The following RSPRY1 variants were observed in gnomAD, a reference collection of about 807,000 sequenced individuals.
The protein encoded by RSPRY1 is ring finger and SPRY domain containing 1.
RSPRY1 carries 23 observed loss-of-function variants against 73.1 expected under a neutral mutation model. The ratio of observed to expected loss-of-function variants is 0.31; its 90% CI spans 0.23 to 0.45. The LOEUF is 0.45. Ranked by LOEUF, RSPRY1 falls within the 20% of genes least tolerant of loss-of-function variation. The pLI is 1.00. For missense variants in RSPRY1, 448 were observed against 698.7 expected (o/e 0.64, Z 4.05); for synonymous variants, 226 against 251.4 (o/e 0.90, Z 0.95).
intron 1 of RSPRY1, among the ~76,000 whole-genome samples, chr16:57,200,825 G>A (rs572047123): frequency 6.9e-6 from 1 of 145,888 alleles, no homozygotes; most frequent in East Asian, 2.1e-4. Context: ...CGGGGCGGCT[G>A]GCTGGGCAGA....
chr16:57,203,507 T>C (rs773301214), intron 1 of RSPRY1, among the ~76,000 whole-genome samples: 2 of 152,198 alleles, frequency 1.3e-5, no homozygotes, highest in African/African-American at 2.4e-5. Flanking sequence ...TTTGTTTGTT[T>C]GTTTGTTTTT....
chr16:57,193,014 C>T (rs1265967388), intron 1 of RSPRY1, among the ~76,000 whole-genome samples: 1 of 152,184 alleles, frequency 6.6e-6, no homozygotes, highest in African/African-American at 2.4e-5. Flanking sequence ...CCATGCCCTG[C>T]TCAGATAGTC....
intron 13 of RSPRY1, among the ~76,000 whole-genome samples, chr16:57,234,647 G>A (rs2146388420): frequency 6.6e-6 from 1 of 152,332 alleles, no homozygotes; most frequent in East Asian, 1.9e-4. Context: ...CTGAGTGAAA[G>A]TATAATGGAA....
intron 10 of RSPRY1, chr16:57,224,348 A>G (rs114693498): frequency 6.6e-6 from 1 of 152,248 alleles, no homozygotes; most frequent in Non-Finnish European, 1.5e-5. Flanking sequence ...CTGTCTTCAT[A>G]CATTTCCCTT....
chr16:57,218,750 TTTTG>T (rs1410857455), intron 8 of RSPRY1, among the ~76,000 whole-genome samples: 4 of 111,776 alleles, frequency 3.6e-5, no homozygotes, highest in Non-Finnish European at 7.1e-5. Flanking sequence ...TTTTTTTTTT[TTTTG>T]AGACGGAGTC....
chr16:57,226,591 G>A (rs1293151353), intron 10 of RSPRY1, among the ~76,000 whole-genome samples: 1 of 152,178 alleles, frequency 6.6e-6, no homozygotes, highest in African/African-American at 2.4e-5. Flanking sequence ...CATGGCACCT[G>A]TTAGAGTGTC....
In RSPRY1 at chr16:57,204,717, T is replaced by G; in HGVS notation, c.59T>G (p.Leu20Trp). Residue 20 changes from leucine to tryptophan, a missense_variant, in exon 2 of 15, where the codon TTG becomes TGG. Transcript: ENST00000394420. ...AGCAGAAGCCTTGGCCAGGGTCTGTTGTTGACTCTCGAAGAGCACATAGCC... is the reference window on the plus strand; with the variant it reads ...AGCAGAAGCCTTGGCCAGGGTCTGTGGTTGACTCTCGAAGAGCACATAGCC... ...LASRSLGQGL[L>W]LTLEEHIAHF... The G allele has an allele frequency of 6.2e-7, 1 of 1,614,192 alleles. No homozygotes were observed. The highest frequency in any genetic ancestry group is 8.5e-7 in the Non-Finnish European group (1 of 1,180,028).
chr16:57,232,997 T>C (rs1472753584), intron 13 of RSPRY1, among the ~76,000 whole-genome samples: 1 of 152,200 alleles, frequency 6.6e-6, no homozygotes, highest in Non-Finnish European at 1.5e-5. Flanking sequence ...TAATTATAAA[T>C]TGTGGCATTA....
At chr16:57,227,194 T>G in intron 10 of RSPRY1, 148 bp from the exon 11 acceptor site, 1 of 602,784 alleles carries the variant, frequency 1.7e-6, no homozygotes, top group Non-Finnish European at 3.0e-6. Context: ...AGTCATAATT[T>G]TAGTATTTTC....
intron 4 of RSPRY1, among the ~76,000 whole-genome samples, chr16:57,210,232 C>A (rs2074813785): frequency 6.6e-6 from 1 of 151,784 alleles, no homozygotes; most frequent in African/African-American, 2.4e-5. Flanking sequence ...CATGCACCAC[C>A]ACACCTAGCT....
intron 10 of RSPRY1, among the ~76,000 whole-genome samples, chr16:57,222,174 A>G (rs1341206764): frequency 2.6e-5 from 4 of 152,210 alleles, no homozygotes; most frequent in Non-Finnish European, 4.4e-5. Flanking sequence ...CCCCCCTCCA[A>G]TATGTAAGAT....
chr16:57,209,026 AT>A, intron 3 of RSPRY1, 48 bp from the exon 4 acceptor site: 1 of 1,262,402 alleles, frequency 7.9e-7, no homozygotes, highest in Non-Finnish European at 1.1e-6. Flanking sequence ...ATATTTTCAC[AT>A]TTTAAAAATA....
chr16:57,222,128 GC>G, intron 10 of RSPRY1, among the ~76,000 whole-genome samples: 1 of 151,602 alleles, frequency 6.6e-6, no homozygotes, highest in East Asian at 2.1e-4. Flanking sequence ...GGTGGGAAAA[GC>G]CCCTTGGATT....
chr16:57,201,004 G>A (rs1294334559), intron 1 of RSPRY1, among the ~76,000 whole-genome samples: 12 of 148,222 alleles, frequency 8.1e-5, no homozygotes, highest in Admixed American at 1.3e-4. Context: ...CTGGCCGGGC[G>A]GGGGGCTGAC....
Position 57,218,352 on chromosome 16 carries a change from A to G in RSPRY1, c.901+1317A>G, listed in dbSNP as rs150289112. ...GTGTTTTAAAATTTCTTTGTTTTGC[A>G]CTTTTCTTTTAGTTATTTTTAAATA... On this transcript the variant is annotated intron_variant, in intron 8 of 14. Transcript: ENST00000394420. Among the ~76,000 whole-genome samples, 732 of 152,180 alleles carry G rather than the reference A, an allele frequency of 4.8e-3. 21 individuals carry two copies. The highest frequency in any genetic ancestry group is 0.041 in the Admixed American group (631 of 15,266).
chr16:57,191,566 G>A (rs994885445), intron 1 of RSPRY1, among the ~76,000 whole-genome samples: 2 of 152,052 alleles, frequency 1.3e-5, no homozygotes, highest in Non-Finnish European at 2.9e-5. Flanking sequence ...CATCTGAATT[G>A]TCTCAAAATA....
chr16:57,203,229 G>A (rs1236638623), intron 1 of RSPRY1, among the ~76,000 whole-genome samples: 1 of 152,142 alleles, frequency 6.6e-6, no homozygotes. Flanking sequence ...CCAGGAGGTG[G>A]AGGTTGCAGT....
upstream of RSPRY1, chr16:57,186,156 A>G (rs2074162004): frequency 1.0e-6 from 1 of 985,332 alleles, no homozygotes; most frequent in Non-Finnish European, 1.2e-6. Flanking sequence ...TGGGCCATTC[A>G]CGCCTCAGGA....
At chr16:57,186,176 G>A, upstream of RSPRY1, 3 of 985,746 alleles carry the variant, frequency 3.0e-6, no homozygotes, top group Non-Finnish European at 3.6e-6. Flanking sequence ...ATGAGGACTG[G>A]CCAGTCTGCG....
Sources: gnomAD v4.1 joint callset for allele counts (sites outside exome capture counted in the v4.1 genomes callset) on GRCh38, gnomAD v4.1.1 for gene constraint, MANE v1.5 for transcripts, NCBI Gene and HGNC (gene_info 2026-07-23, HGNC 2026-07-21) for gene names.